Variants in IFT43 observed in about 807,000 individuals in gnomAD.
IFT43 encodes the protein intraflagellar transport protein 43 homolog.
Under a neutral mutation model 32.3 loss-of-function variants are expected in IFT43, and 33 were observed. The observed-to-expected ratio is 1.02, with a 90% CI of 0.77 to 1.37. The LOEUF (loss-of-function observed/expected upper bound fraction) is 1.37. Among genes scored for constraint, IFT43 ranks in the 40% most tolerant of loss-of-function variants. The pLI, the probability that IFT43 is intolerant of heterozygous loss-of-function variation, is 0.00. For synonymous variants in IFT43, 93 were observed against 98.2 expected (o/e 0.95, Z 0.31); for missense variants, 274 against 265.9 (o/e 1.03, Z -0.21).
At chr14:76,004,617 C>G (rs1045133946) in intron 2 of IFT43, among the ~76,000 whole-genome samples, 6 of 152,174 alleles carry the variant, frequency 3.9e-5, no homozygotes, top group Non-Finnish European at 5.9e-5. Context: ...AATATCTATT[C>G]TGCCCTATTT....
chr14:76,022,314 T>C lies in IFT43; in HGVS notation c.148-13T>C. 6.2e-7 allele frequency: 1 copy of C among 1,609,896 alleles called. No homozygotes were observed. Among genetic ancestry groups the C allele is most frequent in the Non-Finnish European group, 8.5e-7 (1 of 1,176,118 alleles). On this transcript the variant is annotated splice_polypyrimidine_tract_variant and intron_variant, in intron 2 of 8. Coordinates refer to ENST00000314067, the MANE Select transcript of IFT43 (RefSeq NM_001102564.3). Reference sequence around the variant, plus strand: ...TGAGTGAATGTGTTCTTTTGACTTCTCTTTCCTTGTAGACTTCCTCTGCTA... The same window carrying C: ...TGAGTGAATGTGTTCTTTTGACTTCCCTTTCCTTGTAGACTTCCTCTGCTA...
chr14:75,986,148 A>G, intron 1 of IFT43: 1 of 1,366,622 alleles, frequency 7.3e-7, no homozygotes, highest in Non-Finnish European at 9.6e-7. Flanking sequence ...GAACTTCCCC[A>G]GAACAGATCG....
chr14:76,007,626 C>T (rs906881061), intron 2 of IFT43, among the ~76,000 whole-genome samples: 4 of 152,108 alleles, frequency 2.6e-5, no homozygotes, highest in Admixed American at 6.5e-5. Context: ...TTTACACCTT[C>T]AATATTATGC....
At chr14:76,022,284 A>G in intron 2 of IFT43, 43 bp from the exon 3 acceptor site, 1 of 1,530,606 alleles carries the variant, frequency 6.5e-7, no homozygotes, top group Non-Finnish European at 9.1e-7. Flanking sequence ...AATAAATGCA[A>G]ATGTTGAGTG....
chr14:76,077,778 C>T lies in IFT43; in HGVS notation c.296-4517C>T, dbSNP rs546398095. Reference sequence around the variant, plus strand: ...CTGGCATAGCCCAACCACAACGTCCCGCCTTCAGTCTCTCCAGTGTTTCCA... The same window carrying T: ...CTGGCATAGCCCAACCACAACGTCCTGCCTTCAGTCTCTCCAGTGTTTCCA... On this transcript the variant is annotated intron_variant, in intron 5 of 8. Transcript: ENST00000314067. 1.8e-3 allele frequency among the ~76,000 whole-genome samples: 269 copies of T among 152,280 alleles called. 7 individuals carry two copies. The highest frequency in any genetic ancestry group is 1.6e-3 in the Non-Finnish European group (112 of 68,014).
chr14:76,044,055 GT>G (rs1208822237), intron 3 of IFT43, among the ~76,000 whole-genome samples: 35 of 141,962 alleles, frequency 2.5e-4, no homozygotes, highest in Admixed American at 4.2e-4. Flanking sequence ...TTTTTTTTTG[GT>G]TTTTTTTTTT....
In IFT43 at chr14:76,082,589, C is replaced by T. The variant is rs369394291; in HGVS notation, c.369-28C>T. The T allele has an allele frequency of 5.4e-5, 87 of 1,613,964 alleles. No homozygotes were observed. In the African/African-American group the frequency reaches 1.1e-3, roughly 21 times the overall value. Reference sequence around the variant, plus strand: ...CCTGGAACAGGTCCTGCCTGGGGTTCCCGCCTCTCGCTCTCTCTTTCCTTC... The same window carrying T: ...CCTGGAACAGGTCCTGCCTGGGGTTTCCGCCTCTCGCTCTCTCTTTCCTTC... On this transcript the variant is annotated intron_variant, in intron 6 of 8. Coordinates refer to ENST00000314067, the MANE Select transcript of IFT43 (RefSeq NM_001102564.3).
intron 2 of IFT43, among the ~76,000 whole-genome samples, chr14:76,016,284 GT>G (rs1477604766): frequency 1.3e-5 from 2 of 152,106 alleles, no homozygotes; most frequent in African/African-American, 4.8e-5. Flanking sequence ...TGGAAATCCG[GT>G]TTTCCCAGCA....
intron 3 of IFT43, among the ~76,000 whole-genome samples, chr14:76,057,846 C>T (rs1343684955): frequency 6.6e-6 from 1 of 152,220 alleles, no homozygotes; most frequent in African/African-American, 2.4e-5. Flanking sequence ...AAAATGTAAT[C>T]TCCATGTACC....
intron 2 of IFT43, among the ~76,000 whole-genome samples, chr14:75,999,275 ATATATATTTTTTTT>A (rs1235416787): frequency 2.2e-4 from 4 of 18,408 alleles, no homozygotes; most frequent in African/African-American, 8.0e-4. Flanking sequence ...ATATATATGT[ATATATATTTTTTTT>A]TTTTTTTTTT....
chr14:76,002,362 G>C (rs563918182), intron 2 of IFT43, among the ~76,000 whole-genome samples: 1 of 42,034 alleles, frequency 2.4e-5, no homozygotes, highest in African/African-American at 1.2e-4. Flanking sequence ...GTGGTAAAAA[G>C]GTAAGGGGGG....
At chr14:76,031,174 C>A (rs2036504169) in intron 3 of IFT43, among the ~76,000 whole-genome samples, 1 of 151,656 alleles carries the variant, frequency 6.6e-6, no homozygotes. Flanking sequence ...GGCCAGCTGC[C>A]TATTTTTATA....
intron 5 of IFT43, among the ~76,000 whole-genome samples, chr14:76,062,390 T>A (rs763246979): frequency 2.0e-5 from 3 of 152,064 alleles, no homozygotes. Context: ...CTTCTTTACA[T>A]GATTAGTAGG....
chr14:76,005,349 A>G (rs889790220), intron 2 of IFT43, among the ~76,000 whole-genome samples: 1 of 152,238 alleles, frequency 6.6e-6, no homozygotes, highest in African/African-American at 2.4e-5. Flanking sequence ...GTCCTGGGAC[A>G]TGGTCTTTAC....
At chr14:76,049,957 T>A (rs558401771) in intron 3 of IFT43, among the ~76,000 whole-genome samples, 3 of 152,280 alleles carry the variant, frequency 2.0e-5, no homozygotes, top group Middle Eastern at 6.8e-3. Flanking sequence ...TCTTATTGCT[T>A]ACCCACTCAG....
chr14:76,056,730 G>A (rs952980174), intron 3 of IFT43, among the ~76,000 whole-genome samples: 2 of 152,146 alleles, frequency 1.3e-5, no homozygotes, highest in Admixed American at 6.5e-5. Context: ...GGACAATGGG[G>A]GTATAGAGTT....
At chr14:76,045,149 C>G (rs568813087) in intron 3 of IFT43, among the ~76,000 whole-genome samples, 1 of 152,292 alleles carries the variant, frequency 6.6e-6, no homozygotes, top group Admixed American at 6.5e-5. Flanking sequence ...CAATAACACA[C>G]TCTTCTTAAG....
At chr14:76,014,957 C>G (rs2036156489) in intron 2 of IFT43, among the ~76,000 whole-genome samples, 1 of 152,154 alleles carries the variant, frequency 6.6e-6, no homozygotes. Context: ...GCCTGACATC[C>G]AATTACGTGG....
At chr14:76,058,610 C>A in intron 3 of IFT43, 32 bp from the exon 4 acceptor site, 1 of 1,604,220 alleles carries the variant, frequency 6.2e-7, no homozygotes, top group South Asian at 1.1e-5. Context: ...AGTGGGCTCT[C>A]AAAAACCTTG....
Sources: gnomAD v4.1 joint callset for allele counts (sites outside exome capture counted in the v4.1 genomes callset) on GRCh38, gnomAD v4.1.1 for gene constraint, MANE v1.5 for transcripts, NCBI Gene and HGNC (gene_info 2026-07-23, HGNC 2026-07-21) for gene names.